NUDT5: variants seen among roughly 807,000 people sequenced by gnomAD.
NUDT5 encodes nudix hydrolase 5.
NUDT5 carries 21 observed loss-of-function variants against 34.1 expected under a neutral mutation model. The observed-to-expected ratio is 0.62, with a 90% confidence interval of 0.44 to 0.89. NUDT5 has a LOEUF of 0.89. Ranked by LOEUF, NUDT5 falls within the 40% of genes least tolerant of loss-of-function variation. NUDT5 has a pLI of 0.00. For missense variants in NUDT5, 249 were observed against 274.8 expected (o/e 0.91, Z 0.66); for synonymous variants, 85 against 97.6 (o/e 0.87, Z 0.76).
At chr10:12,183,517 C>A (rs940451474) in intron 3 of NUDT5, among the ~76,000 whole-genome samples, 2 of 152,204 alleles carry the variant, frequency 1.3e-5, no homozygotes, top group African/African-American at 4.8e-5. Context: ...ACAAAGAAAT[C>A]ATGTACTCTT....
chr10:12,170,862 G>C lies in NUDT5; in HGVS notation c.496+38C>G. The C allele has an allele frequency of 6.2e-7, 1 of 1,613,754 alleles. No homozygotes were observed. The highest frequency in any genetic ancestry group is 8.5e-7 in the Non-Finnish European group (1 of 1,179,752). On this transcript the variant is annotated intron_variant, in intron 8 of 9. Coordinates refer to ENST00000491614, the MANE Select transcript of NUDT5 (RefSeq NM_014142.4). The surrounding 1 kb of genome is among the most constrained non-coding windows in gnomAD (Gnocchi z 4.9). The stretch of plus-strand genomic sequence containing the variant: ...TCTGCAGCCATCACCACTACACTAA[G>C]TCATACACGCTCGGCCACCAGGAGT...
At chr10:12,190,640 G>A (rs776457672) in intron 1 of NUDT5, among the ~76,000 whole-genome samples, 13 of 131,672 alleles carry the variant, frequency 9.9e-5, no homozygotes, top group Non-Finnish European at 1.5e-4. Flanking sequence ...ACTGAATCTC[G>A]CTGCAACACC....
Position 12,170,021 on chromosome 10 carries a change from T to G in NUDT5, c.550+696A>C. 7.9e-7 allele frequency: 1 copy of G among 1,269,736 alleles called. No individual in the cohort carries two copies. Among genetic ancestry groups the G allele is most frequent in the Non-Finnish European group, 1.1e-6 (1 of 880,302 alleles). 78.7% of individuals were successfully genotyped at this position (1,269,736 alleles called of 1,614,324 possible). On this transcript the variant is annotated intron_variant, in intron 9 of 9. Transcript: ENST00000491614. The surrounding 1 kb of genome is among the most constrained non-coding windows in gnomAD (Gnocchi z 4.9). Reference sequence around the variant, plus strand: ...TGCCAGCCCATACAGAGGTGCTCCTTGAAGGGCCCATGGTATGTCTCCATA... The same window carrying G: ...TGCCAGCCCATACAGAGGTGCTCCTGGAAGGGCCCATGGTATGTCTCCATA...
Position 12,167,384 on chromosome 10 carries a change from A to G in NUDT5, c.*318T>C, listed in dbSNP as rs1834727938. On this transcript the variant is annotated 3_prime_UTR_variant, in exon 10 of 10. Coordinates refer to ENST00000491614, the MANE Select transcript of NUDT5 (RefSeq NM_014142.4). The stretch of plus-strand genomic sequence containing the variant: ...ATTGAGAACTCAGGTCTATTTCTCT[A>G]TACAAATACCCCTGTCTACCAGACT... 8.0e-6 allele frequency: 2 copies of G among 251,484 alleles called. No individual in the cohort carries two copies. The highest frequency in any genetic ancestry group is 1.0e-4 in the Admixed American group (2 of 19,708). 15.6% of individuals were successfully genotyped at this position (251,484 alleles called of 1,614,324 possible).
rs997059869 is a variant in NUDT5, at chr10:12,181,225, T to G, written c.132-2093A>C. Among the ~76,000 whole-genome samples the G allele has an allele frequency of 2.0e-5, 3 of 152,204 alleles. No individual in the cohort carries two copies. The highest frequency in any genetic ancestry group is 6.5e-5 in the Admixed American group (1 of 15,278). ...ATTTGCATTGTATTAGGTGCTGTGA[T>G]TACTCTAGAGATGAAGTGCGTGGGA... is the stretch of plus-strand genomic sequence containing the variant. On this transcript the variant is annotated intron_variant, in intron 3 of 9. Coordinates refer to ENST00000491614, the MANE Select transcript of NUDT5 (RefSeq NM_014142.4). This position sits in a 1 kb window ranked among gnomAD's most constrained non-coding sequence, Gnocchi z 5.0.
At chr10:12,174,085 C>G (rs1834907422) in intron 5 of NUDT5, among the ~76,000 whole-genome samples, 2 of 152,028 alleles carry the variant, frequency 1.3e-5, no homozygotes, top group Non-Finnish European at 2.9e-5. Flanking sequence ...CCAGGCTGGT[C>G]TTGAATTCTT....
At chr10:12,184,393 T>G in intron 3 of NUDT5, 1 of 1,013,168 alleles carries the variant, frequency 9.9e-7, no homozygotes, top group Non-Finnish European at 1.4e-6. Flanking sequence ...GATTACTCGG[T>G]CAAAGGGTAC....
intron 1 of NUDT5, among the ~76,000 whole-genome samples, chr10:12,193,958 C>T (rs1292126724): frequency 6.6e-6 from 1 of 151,942 alleles, no homozygotes; most frequent in Non-Finnish European, 1.5e-5. Flanking sequence ...CTCATCGCAA[C>T]CTCCGCCTCC....
chr10:12,172,124 C>G (rs1426448652), intron 7 of NUDT5, among the ~76,000 whole-genome samples: 1 of 152,212 alleles, frequency 6.6e-6, no homozygotes, highest in Non-Finnish European at 1.5e-5. Context: ...TACTGATTTA[C>G]TGTGGTGCAC....
chr10:12,179,135 G>A lies in NUDT5; in HGVS notation c.132-3C>T. On this transcript the variant is annotated splice_polypyrimidine_tract_variant and splice_region_variant and intron_variant, in intron 3 of 9. Transcript: ENST00000491614. ...TACGTTTCACTGATTCCCAAGTTCTGTTCAGGCAGAGAAGAAAAAAAAGTC... is the reference window on the plus strand; with the variant it reads ...TACGTTTCACTGATTCCCAAGTTCTATTCAGGCAGAGAAGAAAAAAAAGTC... The A allele has an allele frequency of 2.5e-6, 4 of 1,612,930 alleles. No individual in the cohort carries two copies. Among genetic ancestry groups the A allele is most frequent in the Non-Finnish European group, 3.4e-6 (4 of 1,179,606 alleles).
In NUDT5 at chr10:12,182,806, G is replaced by A. The variant is rs999225447; in HGVS notation, c.131+2083C>T. 1.3e-4 allele frequency among the ~76,000 whole-genome samples: 20 copies of A among 152,018 alleles called. No individual in the cohort carries two copies. Among genetic ancestry groups the A allele is most frequent in the Non-Finnish European group, 4.4e-5 (3 of 68,012 alleles). ...GGCTGGAGTACAGTGGTGCAGTCTC[G>A]GCTCACTGCAACCACCTCCTCCCGG... On this transcript the variant is annotated intron_variant, in intron 3 of 9. Coordinates refer to ENST00000491614, the MANE Select transcript of NUDT5 (RefSeq NM_014142.4). This position sits in a 1 kb window ranked among gnomAD's most constrained non-coding sequence, Gnocchi z 4.3.
Position 12,187,118 on chromosome 10 carries a change from T to C in NUDT5, c.-41-786A>G, listed in dbSNP as rs908232452. Among the ~76,000 whole-genome samples the C allele has an allele frequency of 6.6e-6, 1 of 152,076 alleles. No individual in the cohort carries two copies. Among genetic ancestry groups the C allele is most frequent in the African/African-American group, 2.4e-5 (1 of 41,414 alleles). On this transcript the variant is annotated intron_variant, in intron 1 of 9. Coordinates refer to ENST00000491614, the MANE Select transcript of NUDT5 (RefSeq NM_014142.4). The surrounding 1 kb of genome is among the most constrained non-coding windows in gnomAD (Gnocchi z 5.4). ...CGAAATCATGGCTCACTGTAGCCTC[T>C]ACCTCCCAAGCTCACGTGCTCCTCG...
intron 6 of NUDT5, 81 bp from the exon 7 acceptor site, chr10:12,172,947 G>A: frequency 5.0e-6 from 5 of 1,004,076 alleles, no homozygotes; most frequent in South Asian, 1.4e-5. Flanking sequence ...GATGCGTCCC[G>A]CAGCTCAGCA....
chr10:12,171,148 C>T lies in NUDT5; in HGVS notation c.488-240G>A, dbSNP rs986430904. Among the ~76,000 whole-genome samples the T allele has an allele frequency of 2.0e-5, 3 of 152,046 alleles. No homozygotes were observed. The highest frequency in any genetic ancestry group is 1.9e-4 in the East Asian group (1 of 5,198). On this transcript the variant is annotated intron_variant, in intron 7 of 9. Transcript: ENST00000491614. This position sits in a 1 kb window ranked among gnomAD's most constrained non-coding sequence, Gnocchi z 4.2. Reference sequence around the variant, plus strand: ...GTATATTTTTATAGATATGAATCTGCGTATTATGTAAAATATACAGAACAT... The same window carrying T: ...GTATATTTTTATAGATATGAATCTGTGTATTATGTAAAATATACAGAACAT...
chr10:12,170,144 GT>G lies in NUDT5; in HGVS notation c.550+572del, dbSNP rs770780103. 1 of 1,612,512 alleles carries G rather than the reference GT, an allele frequency of 6.2e-7. No individual in the cohort carries two copies. The highest frequency in any genetic ancestry group is 8.5e-7 in the Non-Finnish European group (1 of 1,179,666). ...GGACTTTTCTCCCCATAAGCTTACT[GT>G]TTACAAAGTCTCTAAAAGATGGGTG... On this transcript the variant is annotated intron_variant, in intron 9 of 9. Coordinates refer to ENST00000491614, the MANE Select transcript of NUDT5 (RefSeq NM_014142.4). The surrounding 1 kb of genome is among the most constrained non-coding windows in gnomAD (Gnocchi z 4.9).
At position 12,173,574 on chromosome 10, in the gene NUDT5, G is replaced by A. The variant is rs1834896816; in HGVS notation, c.385+144C>T. On this transcript the variant is annotated intron_variant, in intron 6 of 9. Coordinates refer to ENST00000491614, the MANE Select transcript of NUDT5 (RefSeq NM_014142.4). The surrounding 1 kb of genome is among the most constrained non-coding windows in gnomAD (Gnocchi z 4.7). ...CTGGCTCCAGTTTCCTCCTGGGAGGGGAGATTCCCTTACACTTGGTGACCA... is the reference window on the plus strand; with the variant it reads ...CTGGCTCCAGTTTCCTCCTGGGAGGAGAGATTCCCTTACACTTGGTGACCA... 1.5e-6 allele frequency: 1 copy of A among 660,662 alleles called. No individual in the cohort carries two copies. The highest frequency in any genetic ancestry group is 2.7e-6 in the Non-Finnish European group (1 of 372,470). The allele number at this position is 660,662 out of a possible 1,614,324, so 40.9% of individuals were successfully genotyped here.
chr10:12,167,884 T>G, intron 9 of NUDT5, 73 bp from the exon 10 acceptor site: 7 of 1,595,514 alleles, frequency 4.4e-6, no homozygotes, highest in Non-Finnish European at 5.1e-6. Context: ...AATCAGTGTT[T>G]GCGCAGCAGG....
rs1386788678 is a variant in NUDT5, at chr10:12,173,638, A to G, written c.385+80T>C. 4 of 1,051,736 alleles carry G rather than the reference A, an allele frequency of 3.8e-6. No homozygotes were observed. Among genetic ancestry groups the G allele is most frequent in the Non-Finnish European group, 6.0e-6 (4 of 669,228 alleles). 65.2% of individuals were successfully genotyped at this position (1,051,736 alleles called of 1,614,324 possible). Reference sequence around the variant, plus strand: ...ATTTCTTTCTCTTCAGTGAATTCTGAGCGTAAAGAACACCCAAATAATCAA... The same window carrying G: ...ATTTCTTTCTCTTCAGTGAATTCTGGGCGTAAAGAACACCCAAATAATCAA... On this transcript the variant is annotated intron_variant, in intron 6 of 9. Coordinates refer to ENST00000491614, the MANE Select transcript of NUDT5 (RefSeq NM_014142.4). This position sits in a 1 kb window ranked among gnomAD's most constrained non-coding sequence, Gnocchi z 4.7.
rs754144455 is a variant in NUDT5, at chr10:12,186,170, T to G, written c.63+59A>C. The G allele has an allele frequency of 2.7e-5, 34 of 1,253,368 alleles. 1 individual carries two copies. The highest frequency in any genetic ancestry group is 3.2e-5 in the Non-Finnish European group (27 of 852,244). The allele number at this position is 1,253,368 out of a possible 1,614,324, so 77.6% of individuals were successfully genotyped here. A position where few individuals can be genotyped will look rare whatever the true frequency, so the allele number is the denominator to read the frequency against. ...CACCATTGTAACAACAGTCTATATA[T>G]TTCTGCTAAACTCAGATTTATGTGG... On this transcript the variant is annotated intron_variant, in intron 2 of 9. Coordinates refer to ENST00000491614, the MANE Select transcript of NUDT5 (RefSeq NM_014142.4).
Sources: gnomAD v4.1 joint callset for allele counts (sites outside exome capture counted in the v4.1 genomes callset) on GRCh38, gnomAD v4.1.1 for gene constraint, Gnocchi (gnomAD v3.1) non-coding constraint, MANE v1.5 for transcripts, NCBI Gene and HGNC (gene_info 2026-07-23, HGNC 2026-07-21) for gene names.